Variants in BTBD9 observed in about 807,000 individuals in gnomAD.
BTBD9 encodes the protein BTB/POZ domain-containing protein 9.
In BTBD9, 49 loss-of-function variants were observed where a neutral mutation model predicts 64.3. That is an observed-to-expected ratio of 0.76 (90% CI 0.61 to 0.97). BTBD9 has a LOEUF of 0.97. BTBD9 is among the 50% of genes least tolerant of loss of function. The probability of loss-of-function intolerance (pLI) is 0.00; values close to 1 mark genes in which losing one functional copy is unlikely to be tolerated. For missense variants in BTBD9, 598 were observed against 762.1 expected, an observed-to-expected ratio of 0.78 and a Z score of 2.53; for synonymous variants, 260 against 274.7, an observed-to-expected ratio of 0.95 and a Z score of 0.53.
At chr6:38,571,353 T>C (rs1025147702) in intron 6 of BTBD9, among the ~76,000 whole-genome samples, 4 of 152,084 alleles carry the variant, frequency 2.6e-5, no homozygotes, top group Admixed American at 2.0e-4. Context: ...TATACAAGTG[T>C]TAATATAGCA....
intron 6 of BTBD9, among the ~76,000 whole-genome samples, chr6:38,346,503 G>A (rs915686475): frequency 6.6e-6 from 1 of 151,650 alleles, no homozygotes; most frequent in Non-Finnish European, 1.5e-5. Context: ...CTCTTCCCGT[G>A]TTGAGAATCA....
chr6:38,239,851 C>T (rs1763933428), intron 9 of BTBD9, among the ~76,000 whole-genome samples: 1 of 152,148 alleles, frequency 6.6e-6, no homozygotes, highest in Non-Finnish European at 1.5e-5. Flanking sequence ...AAAATTACTG[C>T]TTATTATATA....
chr6:38,387,676 C>T lies in BTBD9; in HGVS notation c.1155-42583G>A, dbSNP rs560622464. Among the ~76,000 whole-genome samples the T allele has an allele frequency of 1.6e-4, 24 of 152,182 alleles. No individual in the cohort carries two copies. In the East Asian group the frequency reaches 4.2e-3, roughly 27 times the overall value. ...TGACAGACACTGTGAGTAATGGCCA[C>T]AAAATATAACATATGGATCTGCAAG... On this transcript the variant is annotated intron_variant, in intron 6 of 10. Transcript: ENST00000481247.
intron 8 of BTBD9, among the ~76,000 whole-genome samples, chr6:38,267,812 C>T (rs141158610): frequency 0.05 from 7,538 of 152,074 alleles, 277 homozygotes; most frequent in Non-Finnish European, 0.069. Flanking sequence ...AGGTGGCAGG[C>T]GCCTGTAGTC....
chr6:38,382,527 A>T (rs539798630), intron 6 of BTBD9, among the ~76,000 whole-genome samples: 1 of 151,586 alleles, frequency 6.6e-6, no homozygotes, highest in Admixed American at 6.6e-5. Flanking sequence ...AAAAAAAAAA[A>T]AAAAGAAAAG....
chr6:38,569,393 A>T (rs993052499), intron 6 of BTBD9, among the ~76,000 whole-genome samples: 3 of 152,216 alleles, frequency 2.0e-5, no homozygotes, highest in Admixed American at 6.5e-5. Context: ...GAGAAAAAAG[A>T]TGTTTGATGA....
intron 6 of BTBD9, among the ~76,000 whole-genome samples, chr6:38,489,970 T>G (rs942605426): frequency 1.4e-4 from 22 of 152,232 alleles, no homozygotes; most frequent in African/African-American, 4.1e-4. Flanking sequence ...AATCTTGAAA[T>G]GTAGCATTTC....
At chr6:38,435,370 G>A (rs1038546492) in intron 6 of BTBD9, among the ~76,000 whole-genome samples, 5 of 150,562 alleles carry the variant, frequency 3.3e-5, no homozygotes, top group South Asian at 2.1e-4. Context: ...GTGTGGTGGC[G>A]GTGCCTGTAA....
intron 6 of BTBD9, among the ~76,000 whole-genome samples, chr6:38,574,865 T>A (rs1022640936): frequency 2.0e-5 from 3 of 151,946 alleles, no homozygotes; most frequent in Admixed American, 2.0e-4. Flanking sequence ...CCCACTGTTT[T>A]AAACAAGAAT....
intron 7 of BTBD9, among the ~76,000 whole-genome samples, chr6:38,325,316 G>C (rs2127578112): frequency 6.6e-6 from 1 of 152,286 alleles, no homozygotes; most frequent in South Asian, 2.1e-4. Flanking sequence ...GAATAAAAGA[G>C]AAGGTATTGC....
chr6:38,613,360 G>A (rs780248760), intron 1 of BTBD9, among the ~76,000 whole-genome samples: 4 of 152,186 alleles, frequency 2.6e-5, no homozygotes, highest in Non-Finnish European at 4.4e-5. Flanking sequence ...GGTGACTCAC[G>A]CTTGTAATCC....
chr6:38,228,351 C>CCAA (rs566108714), intron 9 of BTBD9, among the ~76,000 whole-genome samples: 8,221 of 29,152 alleles, frequency 0.28, 1,761 homozygotes, highest in Non-Finnish European at 0.37. Flanking sequence ...TCCCCCCCCC[C>CCAA]AAAAAAAAAA....
At chr6:38,181,689 A>G (rs575000431) in intron 10 of BTBD9, among the ~76,000 whole-genome samples, 1 of 152,226 alleles carries the variant, frequency 6.6e-6, no homozygotes, top group East Asian at 1.9e-4. Flanking sequence ...AGCCCAACAC[A>G]TTGTTTTCAG....
rs76797917 is a variant in BTBD9, at chr6:38,627,934, G to C, written c.-28+11866C>G. On this transcript the variant is annotated intron_variant, in intron 1 of 10. Transcript: ENST00000481247. Reference sequence around the variant, plus strand: ...AATTTTAACTGGTTTAACCACCTCAGAAAACAGTTTCCTACTATTTACTAA... The same window carrying C: ...AATTTTAACTGGTTTAACCACCTCACAAAACAGTTTCCTACTATTTACTAA... 6.3e-3 allele frequency among the ~76,000 whole-genome samples: 960 copies of C among 152,204 alleles called. 9 individuals carry two copies. The highest frequency in any genetic ancestry group is 0.022 in the African/African-American group (900 of 41,534).
chr6:38,616,407 A>G (rs1777791778), intron 1 of BTBD9, among the ~76,000 whole-genome samples: 2 of 152,102 alleles, frequency 1.3e-5, no homozygotes. Context: ...TTTTATTACA[A>G]CGCCCTACTA....
chr6:38,484,231 C>A (rs1771296379), intron 6 of BTBD9, among the ~76,000 whole-genome samples: 1 of 152,110 alleles, frequency 6.6e-6, no homozygotes, highest in African/African-American at 2.4e-5. Flanking sequence ...GAAACTAGAA[C>A]TAGAATTACT....
rs1766702945 is a variant in BTBD9, at chr6:38,170,279, T to C, written c.*4706A>G. On this transcript the variant is annotated 3_prime_UTR_variant, in exon 11 of 11. Coordinates refer to ENST00000481247, the MANE Select transcript of BTBD9 (RefSeq NM_001099272.2). ...GCCTCTGCATGAGCCCAGCAGAAAATCCTAGCTGGAAGGCCGTGGGGCTTG... is the reference window on the plus strand; with the variant it reads ...GCCTCTGCATGAGCCCAGCAGAAAACCCTAGCTGGAAGGCCGTGGGGCTTG... 1 of 152,146 alleles carries C rather than the reference T, an allele frequency of 6.6e-6. No individual in the cohort carries two copies. Among genetic ancestry groups the C allele is most frequent in the Non-Finnish European group, 1.5e-5 (1 of 68,150 alleles). 9.4% of individuals were successfully genotyped at this position (152,146 alleles called of 1,614,324 possible). A position where few individuals can be genotyped will look rare whatever the true frequency, so the allele number is the denominator to read the frequency against.
At position 38,594,195 on chromosome 6, in the gene BTBD9, C is replaced by T. The variant is rs752467227; in HGVS notation, c.318G>A (p.Lys106=). 6.2e-7 allele frequency: 1 copy of T among 1,614,202 alleles called. No homozygotes were observed. The highest frequency in any genetic ancestry group is 8.5e-7 in the Non-Finnish European group (1 of 1,180,032). The change falls in exon 3 of 11, where the codon AAG becomes AAA. Residue 106 remains lysine (K), a synonymous_variant. Coordinates refer to ENST00000481247, the MANE Select transcript of BTBD9 (RefSeq NM_001099272.2). ...YTGRATLTDE[K]EEVLLDFLSL... The stretch of plus-strand genomic sequence containing the variant: ...TCAAAAAGTCCAGCAGCACCTCCTC[C>T]TTCTCATCTGTCAGCGTTGCCCGCC...
intron 3 of BTBD9, 33 bp from the exon 4 acceptor site, chr6:38,592,873 T>C (rs752087293): frequency 4.4e-6 from 7 of 1,606,828 alleles, no homozygotes; most frequent in African/African-American, 4.0e-5. Context: ...ATTCCAGTTA[T>C]ATGAAGTTCA....
Sources: allele counts gnomAD v4.1 joint callset (sites outside exome capture counted in the v4.1 genomes callset), GRCh38; gene constraint gnomAD v4.1.1; transcripts MANE v1.5; gene names NCBI Gene and HGNC (gene_info 2026-07-23, HGNC 2026-07-21).